Variants in CDH9 observed in about 807,000 individuals in gnomAD.
The protein encoded by CDH9 is cadherin 9.
CDH9 carries 28 observed loss-of-function variants against 70.9 expected under a neutral mutation model. The observed-to-expected ratio is 0.40, with a 90% CI of 0.29 to 0.54. The LOEUF is 0.54. Ranked by LOEUF, CDH9 falls within the 20% of genes least tolerant of loss-of-function variation. CDH9 has a pLI of 0.59. For missense variants in CDH9, 874 were observed against 984.4 expected, an observed-to-expected ratio of 0.89 and a Z score of 1.50; for synonymous variants, 409 against 343.1, an observed-to-expected ratio of 1.19 and a Z score of -2.12.
At chr5:26,890,876 T>A (rs1037474109) in intron 7 of CDH9, 7 of 234,428 alleles carry the variant, frequency 3.0e-5, no homozygotes, top group African/African-American at 1.6e-4. Context: ...CCTACTGCAG[T>A]GCTTGAGACA....
chr5:27,014,601 C>A (rs1332345606), intron 1 of CDH9, among the ~76,000 whole-genome samples: 2 of 151,762 alleles, frequency 1.3e-5, no homozygotes, highest in African/African-American at 4.8e-5. Flanking sequence ...TTTTATTTAA[C>A]ATATATATAC....
At chr5:26,992,867 C>A (rs961710770) in intron 1 of CDH9, among the ~76,000 whole-genome samples, 1 of 152,046 alleles carries the variant, frequency 6.6e-6, no homozygotes, top group Non-Finnish European at 1.5e-5. Context: ...AAGGCCGAGG[C>A]GGGCGGATCA....
Position 27,020,051 on chromosome 5 carries a change from A to T in CDH9, c.-50+18412T>A, listed in dbSNP as rs184317563. Among the ~76,000 whole-genome samples, 108 of 151,908 alleles carry T rather than the reference A, an allele frequency of 7.1e-4. 2 individuals carry two copies. The East Asian group carries it at 0.02, about 28-fold the overall frequency. The stretch of plus-strand genomic sequence containing the variant: ...AACTTATATTCTTTGTTCTGACTGC[A>T]CTGTGATAATATATTCATTATAATT... On this transcript the variant is annotated intron_variant, in intron 1 of 11. Coordinates refer to ENST00000231021, the MANE Select transcript of CDH9 (RefSeq NM_016279.4).
chr5:26,962,937 A>G (rs958933339), intron 2 of CDH9, among the ~76,000 whole-genome samples: 2 of 152,190 alleles, frequency 1.3e-5, no homozygotes, highest in Admixed American at 1.3e-4. Context: ...TCTTAATAAA[A>G]GGAACCCTCC....
rs1740983668 is a variant in CDH9 at position 26,908,275 on chromosome 5, A to C, written c.524-1437T>G. ...CATGTGTTCATTAGATGAAAGCAAA[A>C]ATGATAAAGTGATTTACATTCCCCC... On this transcript the variant is annotated intron_variant, in intron 3 of 11. Transcript: ENST00000231021. 2.0e-5 allele frequency among the ~76,000 whole-genome samples: 3 copies of C among 152,216 alleles called. No individual in the cohort carries two copies. In the South Asian group the frequency reaches 6.2e-4, roughly 32 times the overall value.
chr5:26,956,868 G>A (rs576327276), intron 2 of CDH9, among the ~76,000 whole-genome samples: 6 of 152,050 alleles, frequency 3.9e-5, no homozygotes, highest in South Asian at 2.1e-4. Flanking sequence ...CATCATAATA[G>A]CAATCACTAT....
At chr5:26,985,601 T>C (rs955365823) in intron 2 of CDH9, among the ~76,000 whole-genome samples, 2 of 152,128 alleles carry the variant, frequency 1.3e-5, no homozygotes, top group African/African-American at 4.8e-5. Flanking sequence ...ACCTGTAAAT[T>C]AATATGTTGT....
At chr5:26,987,088 ATTCTTTTT>A (rs1742500044) in intron 2 of CDH9, among the ~76,000 whole-genome samples, 1 of 92,086 alleles carries the variant, frequency 1.1e-5, no homozygotes, top group Admixed American at 1.1e-4. Context: ...AGGCACTTGT[ATTCTTTTT>A]TTTTTTTTTT....
At chr5:27,031,128 G>T (rs1481138566) in intron 1 of CDH9, among the ~76,000 whole-genome samples, 1 of 151,430 alleles carries the variant, frequency 6.6e-6, no homozygotes, top group Non-Finnish European at 1.5e-5. Context: ...AACTGAGAAA[G>T]AAATATAACT....
intron 1 of CDH9, among the ~76,000 whole-genome samples, chr5:27,012,820 T>G (rs1443143496): frequency 6.6e-6 from 1 of 152,026 alleles, no homozygotes; most frequent in Admixed American, 6.6e-5. Context: ...AAGGAATATT[T>G]CCTTAATATC....
At chr5:26,923,630 A>C (rs1020152471) in intron 2 of CDH9, among the ~76,000 whole-genome samples, 1 of 152,012 alleles carries the variant, frequency 6.6e-6, no homozygotes, top group African/African-American at 2.4e-5. Context: ...ATACATTCTT[A>C]TTGATAATTT....
At chr5:26,960,196 A>G (rs1443039320) in intron 2 of CDH9, among the ~76,000 whole-genome samples, 1 of 152,010 alleles carries the variant, frequency 6.6e-6, no homozygotes, top group East Asian at 1.9e-4. Flanking sequence ...TGAACAATAG[A>G]CTTTCTAGCA....
chr5:27,002,419 G>T (rs1364582616), intron 1 of CDH9, among the ~76,000 whole-genome samples: 2 of 150,590 alleles, frequency 1.3e-5, no homozygotes, highest in Non-Finnish European at 2.9e-5. Context: ...CCCATTACTG[G>T]GTATATACCC....
Position 26,902,548 on chromosome 5 carries a change from T to C in CDH9, c.1181A>G (p.Glu394Gly), listed in dbSNP as rs1740874199. Reference sequence around the variant, plus strand: ...AATGATACTGCCCTCCTTTACATCTTCATCTACTTCTATCAAGTAAGAGAC... The same window carrying C: ...AATGATACTGCCCTCCTTTACATCTCCATCTACTTCTATCAAGTAAGAGAC... ...TKVSYLIEVD[E>G]DVKEGSIIGQ... is the part of the protein sequence containing the mutation. The change falls in exon 7 of 12, where the codon GAA becomes GGA. Residue 394 changes from glutamate to glycine, a missense_variant. Glu to Gly is a moderately conservative substitution (Grantham distance 98). Transcript: ENST00000231021. 3 of 1,593,208 alleles carry C rather than the reference T, an allele frequency of 1.9e-6. No homozygotes were observed. In the African/African-American group the frequency reaches 4.0e-5, roughly 21 times the overall value.
At chr5:26,882,626 A>T (rs551522708) in intron 11 of CDH9, among the ~76,000 whole-genome samples, 1 of 152,074 alleles carries the variant, frequency 6.6e-6, no homozygotes, top group Non-Finnish European at 1.5e-5. Flanking sequence ...AGCTTTACAT[A>T]TAAGAAAGGT....
chr5:26,910,307 G>T (rs1201482057), intron 3 of CDH9, among the ~76,000 whole-genome samples: 2 of 151,562 alleles, frequency 1.3e-5, no homozygotes, highest in Non-Finnish European at 2.9e-5. Flanking sequence ...TAAAATATTT[G>T]TATACAAAGA....
chr5:26,951,953 T>TATTTTATTTC (rs1283705140), intron 2 of CDH9, among the ~76,000 whole-genome samples: 6 of 138,328 alleles, frequency 4.3e-5, no homozygotes, highest in Admixed American at 7.4e-5. Context: ...AAATTTATTT[T>TATTTTATTTC]ATTTTATTTT....
intron 2 of CDH9, among the ~76,000 whole-genome samples, chr5:26,955,732 T>C (rs1741936186): frequency 6.6e-6 from 1 of 152,158 alleles, no homozygotes; most frequent in Non-Finnish European, 1.5e-5. Context: ...ATCATTCATC[T>C]TATCACATAT....
chr5:26,939,867 A>T (rs769410525), intron 2 of CDH9, among the ~76,000 whole-genome samples: 3 of 152,126 alleles, frequency 2.0e-5, no homozygotes, highest in Non-Finnish European at 2.9e-5. Context: ...AAAAACACAC[A>T]TGGCCAGGCA....
Sources: allele counts gnomAD v4.1 joint callset (sites outside exome capture counted in the v4.1 genomes callset), GRCh38; gene constraint gnomAD v4.1.1; transcripts MANE v1.5; gene names NCBI Gene and HGNC (gene_info 2026-07-23, HGNC 2026-07-21).